CTNNA3: variants seen among roughly 807,000 people sequenced by gnomAD.
The protein encoded by CTNNA3 is catenin alpha-3.
In CTNNA3, 76 loss-of-function variants were observed where a neutral mutation model predicts 95.7. That is an observed-to-expected ratio of 0.79 (90% CI 0.66 to 0.96). CTNNA3 has a LOEUF of 0.96. CTNNA3 is among the 40% of genes least tolerant of loss of function. The pLI is 0.00. For missense variants in CTNNA3, 1,191 were observed against 1,089.8 expected (o/e 1.09, Z -1.31); for synonymous variants, 431 against 374.4 (o/e 1.15, Z -1.74).
chr10:66,621,593 A>C, intron 10 of CTNNA3, 99 bp downstream of exon 10: 1 of 502,334 alleles, frequency 2.0e-6, no homozygotes, highest in East Asian at 4.5e-5. Context: ...CCTGGTCTCA[A>C]AAAAAAAAAA....
chr10:66,302,597 A>G (rs1300113848), intron 12 of CTNNA3, among the ~76,000 whole-genome samples: 2 of 152,162 alleles, frequency 1.3e-5, no homozygotes, highest in Admixed American at 6.5e-5. Context: ...AACAAAGTCT[A>G]CAGTTGCCTT....
At chr10:66,965,259 C>T (rs922928644) in intron 7 of CTNNA3, among the ~76,000 whole-genome samples, 1 of 151,704 alleles carries the variant, frequency 6.6e-6, no homozygotes, top group Non-Finnish European at 1.5e-5. Context: ...TTTTTTGGCT[C>T]GGCATGGTGG....
intron 13 of CTNNA3, among the ~76,000 whole-genome samples, chr10:66,159,275 T>C: frequency 6.6e-6 from 1 of 152,104 alleles, no homozygotes; most frequent in East Asian, 1.9e-4. Context: ...CCCCATTCAG[T>C]ATAATGTTGG....
chr10:66,407,636 A>G (rs1184934884), intron 11 of CTNNA3, among the ~76,000 whole-genome samples: 1 of 151,618 alleles, frequency 6.6e-6, no homozygotes, highest in Non-Finnish European at 1.5e-5. Context: ...GCTGGAGTGC[A>G]GTGGCATGAT....
chr10:66,523,143 A>G (rs189177751), intron 10 of CTNNA3, among the ~76,000 whole-genome samples: 1 of 152,148 alleles, frequency 6.6e-6, no homozygotes, highest in African/African-American at 2.4e-5. Flanking sequence ...TTAACTTACA[A>G]TGTACCTTCG....
intron 1 of CTNNA3, among the ~76,000 whole-genome samples, chr10:67,711,132 TAAGTCC>T (rs1841104915): frequency 6.6e-6 from 1 of 152,206 alleles, no homozygotes; most frequent in South Asian, 2.1e-4. Flanking sequence ...TGTGGAACTG[TAAGTCC>T]AATAAACCTC....
chr10:65,921,187 A>T (rs1332395946), intron 17 of CTNNA3, among the ~76,000 whole-genome samples: 1 of 152,236 alleles, frequency 6.6e-6, no homozygotes, highest in Non-Finnish European at 1.5e-5. Context: ...TCTTAAAAAC[A>T]TATCAATAGC....
chr10:67,241,994 T>C (rs1865731084), intron 5 of CTNNA3, among the ~76,000 whole-genome samples: 1 of 152,216 alleles, frequency 6.6e-6, no homozygotes, highest in African/African-American at 2.4e-5. Context: ...CGACACTATT[T>C]CTATTTGTTG....
intron 13 of CTNNA3, among the ~76,000 whole-genome samples, chr10:66,199,832 T>G (rs2087274957): frequency 1.9e-5 from 2 of 103,160 alleles, no homozygotes; most frequent in South Asian, 3.2e-4. Flanking sequence ...TTTTTTTTTT[T>G]TAGTAGAGAT....
chr10:67,659,696 G>A (rs541909674), intron 1 of CTNNA3, among the ~76,000 whole-genome samples: 75 of 152,268 alleles, frequency 4.9e-4, no homozygotes, highest in Non-Finnish European at 2.9e-5. Context: ...AAGCAACCAC[G>A]GCAGAAGTAA....
At chr10:67,416,237 A>G (rs746389363) in intron 5 of CTNNA3, among the ~76,000 whole-genome samples, 19 of 152,146 alleles carry the variant, frequency 1.2e-4, no homozygotes, top group Non-Finnish European at 2.1e-4. Flanking sequence ...ATATTTGCAA[A>G]CAAGGCATCC....
intron 7 of CTNNA3, among the ~76,000 whole-genome samples, chr10:67,071,329 G>GT (rs1424770614): frequency 1.3e-5 from 1 of 78,216 alleles, no homozygotes; most frequent in African/African-American, 9.2e-5. Flanking sequence ...TTGTATTTTG[G>GT]GTTTTTTTTT....
intron 7 of CTNNA3, among the ~76,000 whole-genome samples, chr10:67,141,923 A>G (rs964285521): frequency 1.3e-5 from 2 of 152,102 alleles, no homozygotes; most frequent in African/African-American, 2.4e-5. Context: ...AGTTTAATAA[A>G]CAGCTGCATA....
chr10:67,361,367 A>G (rs1418809026), intron 5 of CTNNA3, among the ~76,000 whole-genome samples: 4 of 152,204 alleles, frequency 2.6e-5, no homozygotes, highest in Non-Finnish European at 5.9e-5. Flanking sequence ...GACTGATCAC[A>G]TGCTCAGCCA....
At chr10:67,180,802 C>T (rs1035898781) in intron 6 of CTNNA3, among the ~76,000 whole-genome samples, 1 of 152,156 alleles carries the variant, frequency 6.6e-6, no homozygotes, top group African/African-American at 2.4e-5. Flanking sequence ...TGAGCCTCAA[C>T]CTCTTGATCT....
intron 11 of CTNNA3, among the ~76,000 whole-genome samples, chr10:66,485,507 G>A (rs1839694566): frequency 6.6e-6 from 1 of 151,698 alleles, no homozygotes; most frequent in South Asian, 2.1e-4. Flanking sequence ...ATCCTAAAGA[G>A]GAACATACTT....
intron 11 of CTNNA3, among the ~76,000 whole-genome samples, chr10:66,512,488 T>C (rs1441387134): frequency 6.6e-6 from 1 of 152,072 alleles, no homozygotes; most frequent in Non-Finnish European, 1.5e-5. Context: ...TGGTTTTCTG[T>C]AGTGATAAAA....
chr10:66,485,835 C>T (rs1565009073), intron 11 of CTNNA3, among the ~76,000 whole-genome samples: 1 of 152,070 alleles, frequency 6.6e-6, no homozygotes, highest in Non-Finnish European at 1.5e-5. Context: ...TATCTGACTT[C>T]AAGATATACT....
intron 10 of CTNNA3, among the ~76,000 whole-genome samples, chr10:66,601,324 T>C (rs964960202): frequency 6.6e-6 from 1 of 151,944 alleles, no homozygotes; most frequent in African/African-American, 2.4e-5. Context: ...CATGTTGCCC[T>C]CCATTAGGCA....
Sources: gnomAD v4.1 joint callset for allele counts (sites outside exome capture counted in the v4.1 genomes callset) on GRCh38, gnomAD v4.1.1 for gene constraint, MANE v1.5 for transcripts, NCBI Gene and HGNC (gene_info 2026-07-23, HGNC 2026-07-21) for gene names.